DOCK6: variants seen among roughly 807,000 people sequenced by gnomAD.
DOCK6 encodes dedicator of cytokinesis 6, also known as dedicator of cytokinesis protein 6.
DOCK6 carries 167 observed loss-of-function variants against 230.3 expected under a neutral mutation model. That is an observed-to-expected ratio of 0.73 (90% CI 0.64 to 0.82). The LOEUF is 0.82. Among genes scored for constraint, DOCK6 ranks in the 40% least tolerant of loss-of-function variants. The pLI, the probability that DOCK6 is intolerant of heterozygous loss-of-function variation, is 0.00. For missense variants in DOCK6, 2,598 were observed against 2,825.8 expected (o/e 0.92, Z 1.83); for synonymous variants, 1,148 against 1,185.0 (o/e 0.97, Z 0.64).
intron 37 of DOCK6, among the ~76,000 whole-genome samples, chr19:11,210,218 C>T (rs1004739861): frequency 6.7e-6 from 1 of 148,770 alleles, no homozygotes; most frequent in Admixed American, 6.7e-5. Context: ...ATCTGTCCAC[C>T]CCTCACCTGT....
At chr19:11,215,012 G>A (rs943358543) in intron 32 of DOCK6, among the ~76,000 whole-genome samples, 5 of 150,210 alleles carry the variant, frequency 3.3e-5, no homozygotes, top group South Asian at 2.1e-4. Context: ...GCGCGATCTC[G>A]GCTCACTGTA....
chr19:11,242,321 G>A (rs528060266), intron 13 of DOCK6, 114 bp from the exon 14 acceptor site: 2 of 1,133,230 alleles, frequency 1.8e-6, no homozygotes, highest in East Asian at 3.2e-5. Context: ...GGGACTGGGG[G>A]CTGTGTCCCT....
intron 9 of DOCK6, among the ~76,000 whole-genome samples, chr19:11,244,177 T>C (rs561206040): frequency 6.6e-6 from 1 of 152,316 alleles, no homozygotes; most frequent in East Asian, 1.9e-4. Flanking sequence ...TATGTATGTA[T>C]GTATGTATTA....
chr19:11,222,191 T>G lies in DOCK6; in HGVS notation c.3298A>C (p.Ser1100Arg). The change falls in exon 27 of 48, where the codon AGT (serine) becomes CGT (arginine). Residue 1100 changes from serine (S) to arginine (R), a missense_variant. Ser to Arg is a moderately radical substitution (Grantham distance 110). Coordinates refer to ENST00000294618, the MANE Select transcript of DOCK6 (RefSeq NM_020812.4). This position sits in a 1 kb window ranked among gnomAD's most constrained non-coding sequence, Gnocchi z 4.0. ...AAGTGCTGCTGCCGGAATGGTCCAC[T>G]CAGTTCGAACATGCTGGTCACCTTG... is the stretch of plus-strand genomic sequence containing the variant. ...DPKVTSMFELSGPFRQQHFLA... is the reference protein window; with the variant it reads ...DPKVTSMFELRGPFRQQHFLA... 2.5e-6 allele frequency: 4 copies of G among 1,608,204 alleles called. No individual in the cohort carries two copies. The highest frequency in any genetic ancestry group is 2.5e-6 in the Non-Finnish European group (3 of 1,177,564).
chr19:11,237,491 G>A lies in DOCK6; in HGVS notation c.2038C>T (p.Gln680Ter). Residue 680 changes from glutamine to a stop codon, truncating the protein, a stop_gained, in exon 18 of 48, where the codon CAG (glutamine) becomes TAG (stop). Coordinates refer to ENST00000294618, the MANE Select transcript of DOCK6 (RefSeq NM_020812.4). LOFTEE classifies it high-confidence loss of function. Reference protein sequence around the residue: ...GPFCLPVSVDQPPPSYSVLTP... With the variant: ...GPFCLPVSVD ...AGCACGGAATAGCTGGGCGGCGGCT[G>A]GTCCACAGACACTGGGAGACAGAAG... 1 of 1,613,534 alleles carries A rather than the reference G, an allele frequency of 6.2e-7. No homozygotes were observed. The highest frequency in any genetic ancestry group is 8.5e-7 in the Non-Finnish European group (1 of 1,179,808).
intron 28 of DOCK6, among the ~76,000 whole-genome samples, chr19:11,219,646 C>T (rs976634453): frequency 6.6e-6 from 1 of 151,552 alleles, no homozygotes; most frequent in Non-Finnish European, 1.5e-5. Context: ...AAAAACTAGT[C>T]AGGCGTGGTG....
Position 11,253,781 on chromosome 19 carries a change from G to A in DOCK6, c.45-55C>T. 4.1e-6 allele frequency: 5 copies of A among 1,222,198 alleles called. No individual in the cohort carries two copies. The South Asian group carries it at 6.1e-5, about 15-fold the overall frequency. The allele number at this position is 1,222,198 out of a possible 1,614,324, so 75.7% of individuals were successfully genotyped here. A position where few individuals can be genotyped will look rare whatever the true frequency, so the allele number is the denominator to read the frequency against. On this transcript the variant is annotated intron_variant, in intron 1 of 47. Coordinates refer to ENST00000294618, the MANE Select transcript of DOCK6 (RefSeq NM_020812.4). Reference sequence around the variant, plus strand: ...ACGGGAAAACTCAGGCAGCGGAGCGGACAGATTCTTTCTATGAGGAAAATC... The same window carrying A: ...ACGGGAAAACTCAGGCAGCGGAGCGAACAGATTCTTTCTATGAGGAAAATC...
intron 37 of DOCK6, among the ~76,000 whole-genome samples, chr19:11,209,526 AC>A: frequency 1.3e-5 from 1 of 74,796 alleles, no homozygotes; most frequent in Non-Finnish European, 2.8e-5. Flanking sequence ...CCACCCTCTC[AC>A]CTGTCCATCC....
chr19:11,211,920 G>A (rs769591313), intron 36 of DOCK6, 44 bp from the exon 37 acceptor site: 2 of 1,561,508 alleles, frequency 1.3e-6, no homozygotes, highest in African/African-American at 1.4e-5. Context: ...GCATTAGGAA[G>A]TGAAGGGAGC....
Position 11,222,482 on chromosome 19 carries a change from G to A in DOCK6, c.3241-234C>T, listed in dbSNP as rs2079596034. Reference sequence around the variant, plus strand: ...GCACGGAGTCAAAAGTCAGAGGACTGAGAAATAGCAGATGGAACACTGGGC... The same window carrying A: ...GCACGGAGTCAAAAGTCAGAGGACTAAGAAATAGCAGATGGAACACTGGGC... On this transcript the variant is annotated intron_variant, in intron 26 of 47. Transcript: ENST00000294618. This position sits in a 1 kb window ranked among gnomAD's most constrained non-coding sequence, Gnocchi z 4.0. Among the ~76,000 whole-genome samples, 1 of 152,198 alleles carries A rather than the reference G, an allele frequency of 6.6e-6. No individual in the cohort carries two copies. The highest frequency in any genetic ancestry group is 1.9e-4 in the East Asian group (1 of 5,200).
chr19:11,255,540 C>T (rs772343030), intron 1 of DOCK6, among the ~76,000 whole-genome samples: 9 of 152,174 alleles, frequency 5.9e-5, no homozygotes, highest in Non-Finnish European at 1.2e-4. Flanking sequence ...TCTCGAACTC[C>T]TGAGCTCAAG....
At chr19:11,231,437 A>G (rs2147812683) in intron 22 of DOCK6, among the ~76,000 whole-genome samples, 1 of 152,186 alleles carries the variant, frequency 6.6e-6, no homozygotes, top group Non-Finnish European at 1.5e-5. Flanking sequence ...GTGATCATAT[A>G]CTTATGCATT....
intron 4 of DOCK6, 56 bp from the exon 5 acceptor site, chr19:11,252,304 C>A (rs2080130454): frequency 1.1e-5 from 17 of 1,565,274 alleles, no homozygotes; most frequent in African/African-American, 1.4e-5. Context: ...CAGGGGGTCC[C>A]CAGTGTGTTC....
Position 11,201,323 on chromosome 19 carries a change from T to C in DOCK6, c.5689-271A>G, listed in dbSNP as rs370821918. 2.6e-5 allele frequency among the ~76,000 whole-genome samples: 4 copies of C among 152,040 alleles called. No homozygotes were observed. The South Asian group carries it at 8.3e-4, about 32-fold the overall frequency. On this transcript the variant is annotated intron_variant, in intron 44 of 47. Transcript: ENST00000294618. The surrounding 1 kb of genome is among the most constrained non-coding windows in gnomAD (Gnocchi z 4.3). ...GAGATTTGGACTGGAAGTTGGAGTTTGGGGTCCCCAACCTGGTTCTGGGGT... is the reference window on the plus strand; with the variant it reads ...GAGATTTGGACTGGAAGTTGGAGTTCGGGGTCCCCAACCTGGTTCTGGGGT...
At chr19:11,239,520 C>A (rs2079905971) in intron 14 of DOCK6, 3 of 1,260,762 alleles carry the variant, frequency 2.4e-6, no homozygotes, top group African/African-American at 1.5e-5. Flanking sequence ...CACTGCCAGG[C>A]CCTTGTGCAA....
At chr19:11,231,954 C>T (rs1453220065) in intron 22 of DOCK6, among the ~76,000 whole-genome samples, 1 of 152,180 alleles carries the variant, frequency 6.6e-6, no homozygotes, top group Admixed American at 6.5e-5. Context: ...GCATATTACC[C>T]CTGTGCCTTC....
chr19:11,241,409 G>GGCT, intron 14 of DOCK6: 1 of 1,379,496 alleles, frequency 7.2e-7, no homozygotes. Flanking sequence ...GAGGTGAGGT[G>GGCT]GCTGTCGGCT....
At position 11,236,008 on chromosome 19, in the gene DOCK6, G is replaced by C; in HGVS notation, c.2393-249C>G. 2.0e-6 allele frequency: 1 copy of C among 507,232 alleles called. No individual in the cohort carries two copies. The highest frequency in any genetic ancestry group is 3.1e-5 in the South Asian group (1 of 31,812). The allele number at this position is 507,232 out of a possible 1,614,324, so 31.4% of individuals were successfully genotyped here. A position where few individuals can be genotyped will look rare whatever the true frequency, so the allele number is the denominator to read the frequency against. On this transcript the variant is annotated intron_variant, in intron 20 of 47. Coordinates refer to ENST00000294618, the MANE Select transcript of DOCK6 (RefSeq NM_020812.4). The surrounding 1 kb of genome is among the most constrained non-coding windows in gnomAD (Gnocchi z 5.2). ...CAATTCTCCTGCCTCAGCCTCCCGA[G>C]TAGCTGGGATTACAGGCATGCGCCA...
chr19:11,223,225 C>T, intron 24 of DOCK6, 119 bp from the exon 25 acceptor site: 1 of 882,196 alleles, frequency 1.1e-6, no homozygotes, highest in Non-Finnish European at 1.7e-6. Flanking sequence ...AAGCCTTTGT[C>T]TGTGGGCTGT....
Sources: gnomAD v4.1 joint callset for allele counts (sites outside exome capture counted in the v4.1 genomes callset) on GRCh38, gnomAD v4.1.1 for gene constraint, Gnocchi (gnomAD v3.1) non-coding constraint, MANE v1.5 for transcripts, NCBI Gene and HGNC (gene_info 2026-07-23, HGNC 2026-07-21) for gene names.